The following C12orf76 variants were observed in gnomAD, a reference collection of about 807,000 sequenced individuals.
C12orf76 encodes uncharacterized protein C12orf76.
In C12orf76, 6 loss-of-function variants were observed where a neutral mutation model predicts 6.8. That is an observed-to-expected ratio of 0.88 (90% CI 0.48 to 1.73). C12orf76 has a LOEUF of 1.73. C12orf76 is among the 40% of genes most tolerant of loss of function. The pLI, the probability that C12orf76 is intolerant of heterozygous loss-of-function variation, is 0.01. For missense variants in C12orf76, 99 were observed against 98.2 expected (o/e 1.01, Z -0.03); for synonymous variants, 56 against 43.7 (o/e 1.28, Z -1.11).
At chr12:110,072,494 T>C (rs530807366), upstream of C12orf76, among the ~76,000 whole-genome samples, 3 of 151,866 alleles carry the variant, frequency 2.0e-5, no homozygotes, top group South Asian at 6.2e-4. Context: ...TGGGTTTTTT[T>C]TGTTTTTTTT....
chr12:110,042,538 A>C, intron 1 of C12orf76, 79 bp from the exon 2 acceptor site: 1 of 894,824 alleles, frequency 1.1e-6, no homozygotes, highest in Non-Finnish European at 1.9e-6. Flanking sequence ...ATGATTTATC[A>C]AATGCCACTT....
upstream of C12orf76, among the ~76,000 whole-genome samples, chr12:110,068,273 A>G (rs546379017): frequency 3.4e-4 from 46 of 133,770 alleles, no homozygotes; most frequent in African/African-American, 1.0e-3. Flanking sequence ...AAGAAGAAGA[A>G]GAAGAAGAAG....
At chr12:110,047,809 C>T (rs1464168453) in intron 1 of C12orf76, among the ~76,000 whole-genome samples, 2 of 152,218 alleles carry the variant, frequency 1.3e-5, no homozygotes, top group African/African-American at 4.8e-5. Context: ...AAACTGTTAT[C>T]ATTTTTGCAA....
chr12:110,053,666 A>G (rs1363356215), upstream of C12orf76, among the ~76,000 whole-genome samples: 1 of 152,114 alleles, frequency 6.6e-6, no homozygotes, highest in Non-Finnish European at 1.5e-5. Flanking sequence ...CCCTAGAGAA[A>G]CTCTTGTACA....
intron 1 of C12orf76, among the ~76,000 whole-genome samples, chr12:110,045,085 T>G (rs1296119634): frequency 6.6e-6 from 1 of 152,194 alleles, no homozygotes; most frequent in Non-Finnish European, 1.5e-5. Flanking sequence ...AGGCCAGAAG[T>G]AATTTTAAGA....
intron 1 of C12orf76, among the ~76,000 whole-genome samples, chr12:110,047,311 T>C (rs1892475679): frequency 6.6e-6 from 1 of 152,216 alleles, no homozygotes; most frequent in Non-Finnish European, 1.5e-5. Context: ...AAACAGGTTC[T>C]AGTATTGGCC....
At position 110,048,383 on chromosome 12, in the gene C12orf76, A is replaced by G. The variant is rs982525920; in HGVS notation, c.113T>C (p.Val38Ala). 2 of 1,515,662 alleles carry G rather than the reference A, an allele frequency of 1.3e-6. No individual in the cohort carries two copies. Among genetic ancestry groups the G allele is most frequent in the Non-Finnish European group, 1.8e-6 (2 of 1,137,294 alleles). 93.9% of individuals were successfully genotyped at this position (1,515,662 alleles called of 1,614,324 possible). Reference protein sequence around the residue: ...DPLERSRPYAVLRGQNLVLMG... With the variant: ...DPLERSRPYAALRGQNLVLMG... ...CTCACCCAGGTTCTGCCCTCGCAGC[A>G]CCGCGTACGGCCGGCTCCGCTCCAG... The change falls in exon 1 of 2, where the codon GTG (valine) becomes GCG (alanine). Residue 38 changes from valine to alanine, a missense_variant. Transcript: ENST00000615315.
upstream of C12orf76, chr12:110,050,216 C>G (rs10849681): frequency 0.071 from 10,873 of 152,260 alleles, 639 homozygotes; most frequent in African/African-American, 0.16. Context: ...AGTGGCAGAG[C>G]TAGAATTTGA....
chr12:110,051,180 C>T (rs746396205), upstream of C12orf76: 45 of 778,512 alleles, frequency 5.8e-5, no homozygotes, highest in African/African-American at 7.1e-4. Context: ...ATGGCAGGCA[C>T]AGGAAAGCAT....
At chr12:110,051,231 G>C, upstream of C12orf76, 2 of 765,446 alleles carry the variant, frequency 2.6e-6, no homozygotes, top group Non-Finnish European at 4.8e-6. Context: ...GGCAGGCTCT[G>C]CAGGCCACTT....
intron 2 of C12orf76, among the ~76,000 whole-genome samples, chr12:110,063,264 A>C (rs1279998792): frequency 1.3e-5 from 2 of 151,612 alleles, no homozygotes; most frequent in East Asian, 3.9e-4. Flanking sequence ...TAATTTTTAA[A>C]ATTGTCTCAA....
intron 4 of C12orf76, among the ~76,000 whole-genome samples, chr12:110,056,284 G>A (rs1322128127): frequency 6.6e-6 from 1 of 152,098 alleles, no homozygotes; most frequent in Non-Finnish European, 1.5e-5. Flanking sequence ...ACCCTTCCAG[G>A]TGTTAGGTTT....
chr12:110,048,353 G>T lies in C12orf76; in HGVS notation c.133+10C>A. 1 of 1,495,850 alleles carries T rather than the reference G, an allele frequency of 6.7e-7. No individual in the cohort carries two copies. The highest frequency in any genetic ancestry group is 8.9e-7 in the Non-Finnish European group (1 of 1,127,714). 92.7% of individuals were successfully genotyped at this position (1,495,850 alleles called of 1,614,324 possible). The stretch of plus-strand genomic sequence containing the variant: ...ACTACCCGCCGCCCGCCAGCCCGAG[G>T]GCCGCTCACCCAGGTTCTGCCCTCG... On this transcript the variant is annotated intron_variant, in intron 1 of 1. Transcript: ENST00000615315.
intron 1 of C12orf76, among the ~76,000 whole-genome samples, chr12:110,047,016 T>C (rs938582344): frequency 6.6e-6 from 1 of 152,084 alleles, no homozygotes; most frequent in Non-Finnish European, 1.5e-5. Context: ...AACTATTTAG[T>C]AGAGTGCTAG....
intron 2 of C12orf76, among the ~76,000 whole-genome samples, chr12:110,065,520 C>T (rs956712876): frequency 2.6e-5 from 4 of 152,102 alleles, no homozygotes; most frequent in African/African-American, 4.8e-5. Context: ...CTCAGGAATC[C>T]GGAGCCATCC....
At chr12:110,060,737 T>C (rs867827459) in intron 2 of C12orf76, among the ~76,000 whole-genome samples, 1 of 152,120 alleles carries the variant, frequency 6.6e-6, no homozygotes, top group Non-Finnish European at 1.5e-5. Flanking sequence ...GCTGGTGATA[T>C]AGAAACCTAC....
intron 3 of C12orf76, among the ~76,000 whole-genome samples, chr12:110,057,814 A>T (rs2137230475): frequency 6.6e-6 from 1 of 152,268 alleles, no homozygotes; most frequent in South Asian, 2.1e-4. Flanking sequence ...CTGTAATCCC[A>T]GCACTTTGGG....
rs976553013 is a variant in C12orf76, at chr12:110,048,406, C to G, written c.90G>C (p.Leu30=). 6.6e-7 allele frequency: 1 copy of G among 1,516,676 alleles called. No homozygotes were observed. The highest frequency in any genetic ancestry group is 8.8e-7 in the Non-Finnish European group (1 of 1,137,506). The allele number at this position is 1,516,676 out of a possible 1,614,324, so 94.0% of individuals were successfully genotyped here. ...EAEAPSPVDP[L]ERSRPYAVLR... is the part of the protein sequence containing the mutation. ...GCACCGCGTACGGCCGGCTCCGCTC[C>G]AGCGGATCCACGGGGCTCGGGGCCT... is the stretch of plus-strand genomic sequence containing the variant. Residue 30 remains leucine (L), a synonymous_variant, in exon 1 of 2, where the codon CTG becomes CTC. Transcript: ENST00000615315.
intron 4 of C12orf76, among the ~76,000 whole-genome samples, chr12:110,055,693 G>A (rs1259758015): frequency 6.6e-6 from 1 of 152,172 alleles, no homozygotes; most frequent in African/African-American, 2.4e-5. Flanking sequence ...TCAGGGAATG[G>A]AGTTTTTAAG....
Sources: gnomAD v4.1 joint callset for allele counts (sites outside exome capture counted in the v4.1 genomes callset) on GRCh38, gnomAD v4.1.1 for gene constraint, MANE v1.5 for transcripts, NCBI Gene and HGNC (gene_info 2026-07-23, HGNC 2026-07-21) for gene names.